The following RAB28 variants were observed in gnomAD, a reference collection of about 807,000 sequenced individuals.
The protein encoded by RAB28 is ras-related protein Rab-28.
RAB28 carries 24 observed loss-of-function variants against 31.7 expected under a neutral mutation model. That is an observed-to-expected ratio of 0.76 (90% CI 0.55 to 1.06). RAB28 has a LOEUF of 1.06. Ranked by LOEUF, RAB28 falls within the 50% of genes least tolerant of loss-of-function variation. The pLI is 0.00. For missense variants in RAB28, 254 were observed against 258.5 expected (o/e 0.98, Z 0.12); for synonymous variants, 100 against 90.4 (o/e 1.11, Z -0.60).
At chr4:13,400,753 G>A (rs1281769643) in intron 4 of RAB28, among the ~76,000 whole-genome samples, 1 of 152,094 alleles carries the variant, frequency 6.6e-6, no homozygotes, top group Non-Finnish European at 1.5e-5. Context: ...TCTCATTCCT[G>A]ATTTGCTGAG....
chr4:13,432,099 G>A (rs1005253279), intron 4 of RAB28, among the ~76,000 whole-genome samples: 1 of 152,156 alleles, frequency 6.6e-6, no homozygotes, highest in African/African-American at 2.4e-5. Flanking sequence ...AAAAAACCAA[G>A]TGGAACCTCT....
chr4:13,405,737 G>T (rs540684503), intron 4 of RAB28, among the ~76,000 whole-genome samples: 1 of 152,200 alleles, frequency 6.6e-6, no homozygotes, highest in South Asian at 2.1e-4. Flanking sequence ...ATTACACTGT[G>T]AGAATTCAGA....
At chr4:13,381,632 A>G (rs1056570197) in intron 4 of RAB28, 38 bp from the exon 5 acceptor site, 1 of 1,451,166 alleles carries the variant, frequency 6.9e-7, no homozygotes, top group Non-Finnish European at 9.5e-7. Flanking sequence ...ATTCAATATT[A>G]GAGTCTATCA....
At chr4:13,440,747 T>C (rs975733781) in intron 4 of RAB28, among the ~76,000 whole-genome samples, 2 of 151,966 alleles carry the variant, frequency 1.3e-5, no homozygotes, top group Admixed American at 1.3e-4. Flanking sequence ...TGTGAGTCCA[T>C]TTGGAGACAG....
chr4:13,402,148 T>A (rs1298178093), intron 4 of RAB28, among the ~76,000 whole-genome samples: 1 of 152,238 alleles, frequency 6.6e-6, no homozygotes, highest in Non-Finnish European at 1.5e-5. Context: ...GTTCTTTTTA[T>A]ATGGAAGAAT....
At chr4:13,434,958 G>T (rs1375003558) in intron 4 of RAB28, among the ~76,000 whole-genome samples, 7 of 147,940 alleles carry the variant, frequency 4.7e-5, no homozygotes, top group African/African-American at 1.8e-4. Context: ...GGTGGAGGTT[G>T]CAGTGAGCCG....
chr4:13,413,595 A>G (rs919964984), intron 4 of RAB28, among the ~76,000 whole-genome samples: 1 of 152,220 alleles, frequency 6.6e-6, no homozygotes, highest in Non-Finnish European at 1.5e-5. Context: ...ATGAACCCGC[A>G]GAGAAAAAGC....
intron 3 of RAB28, among the ~76,000 whole-genome samples, chr4:13,470,621 T>C (rs575717855): frequency 7.0e-4 from 107 of 152,154 alleles, no homozygotes; most frequent in African/African-American, 2.4e-3. Context: ...CATCCAGTCC[T>C]TCTCTGAGGT....
intron 6 of RAB28, among the ~76,000 whole-genome samples, chr4:13,375,798 G>C (rs58368995): frequency 0.047 from 6,587 of 139,694 alleles, 275 homozygotes; most frequent in African/African-American, 0.14. Context: ...CACACACAGA[G>C]AGAGAGAGAG....
chr4:13,402,505 C>G (rs760206685), intron 4 of RAB28, among the ~76,000 whole-genome samples: 2 of 152,150 alleles, frequency 1.3e-5, no homozygotes, highest in Non-Finnish European at 2.9e-5. Context: ...CCTCCCTTAT[C>G]GCTACAAAAT....
intron 4 of RAB28, among the ~76,000 whole-genome samples, chr4:13,447,347 T>C (rs1265346308): frequency 6.6e-6 from 1 of 152,186 alleles, no homozygotes; most frequent in East Asian, 1.9e-4. Flanking sequence ...TCTTTCTTGA[T>C]CTGTCCTTTT....
intron 4 of RAB28, among the ~76,000 whole-genome samples, chr4:13,385,158 G>C (rs1304876005): frequency 5.3e-5 from 8 of 152,126 alleles, no homozygotes; most frequent in Non-Finnish European, 7.4e-5. Flanking sequence ...AAAGGAAAAA[G>C]AATGAAAAGG....
chr4:13,460,731 G>C lies in RAB28; in HGVS notation c.359C>G (p.Thr120Ser). The C allele has an allele frequency of 6.2e-7, 1 of 1,614,020 alleles. No individual in the cohort carries two copies. Among genetic ancestry groups the C allele is most frequent in the Non-Finnish European group, 8.5e-7 (1 of 1,179,940 alleles). ...GCCTACCAAGGCAACCAGTGGCTGA[G>C]TTTCTGACTCCTCGCTCACTTTCTT... ...VVKKVSEESE[T>S]QPLVALVGNK... Residue 120 changes from threonine to serine, a missense_variant, in exon 4 of 7, where the codon ACT becomes AGT. By Grantham distance (58) the Thr-to-Ser change is moderately conservative. Transcript: ENST00000330852.
chr4:13,406,469 T>C (rs974701139), intron 4 of RAB28, among the ~76,000 whole-genome samples: 2 of 152,106 alleles, frequency 1.3e-5, no homozygotes, highest in South Asian at 2.1e-4. Context: ...CATAGGTGTG[T>C]ATGTGTCTTT....
At chr4:13,369,797 A>C in intron 6 of RAB28, 3 of 1,349,706 alleles carry the variant, frequency 2.2e-6, no homozygotes, top group Non-Finnish European at 3.0e-6. Flanking sequence ...ATTCATAGGG[A>C]ATAAAGAACA....
At chr4:13,471,468 C>G (rs995779087) in intron 3 of RAB28, among the ~76,000 whole-genome samples, 4 of 151,984 alleles carry the variant, frequency 2.6e-5, no homozygotes, top group Non-Finnish European at 5.9e-5. Context: ...TTTGGAATCT[C>G]TGGAAAGCAG....
intron 4 of RAB28, among the ~76,000 whole-genome samples, chr4:13,413,273 G>C (rs1712552734): frequency 6.6e-6 from 1 of 152,062 alleles, no homozygotes; most frequent in African/African-American, 2.4e-5. Flanking sequence ...AAAAATTTAA[G>C]TCATTAATTA....
chr4:13,426,225 G>A (rs1218484856), intron 4 of RAB28, among the ~76,000 whole-genome samples: 1 of 152,030 alleles, frequency 6.6e-6, no homozygotes, highest in Non-Finnish European at 1.5e-5. Context: ...AAGATTCAAT[G>A]CAAAAGCCTT....
In RAB28 at chr4:13,484,158, C is replaced by A; in HGVS notation, c.-8G>T. ...CTCCTCAGAGTCCGACATGGTGTCCCGGGAACCAGGCCCGCCCCTCGAGGT... is the reference window on the plus strand; with the variant it reads ...CTCCTCAGAGTCCGACATGGTGTCCAGGGAACCAGGCCCGCCCCTCGAGGT... On this transcript the variant is annotated 5_prime_UTR_variant, in exon 1 of 7. Transcript: ENST00000330852. 1 of 1,575,940 alleles carries A rather than the reference C, an allele frequency of 6.3e-7. No individual in the cohort carries two copies. Among genetic ancestry groups the A allele is most frequent in the Non-Finnish European group, 8.6e-7 (1 of 1,160,160 alleles).
Sources: allele counts gnomAD v4.1 joint callset (sites outside exome capture counted in the v4.1 genomes callset), GRCh38; gene constraint gnomAD v4.1.1; transcripts MANE v1.5; gene names NCBI Gene and HGNC (gene_info 2026-07-23, HGNC 2026-07-21).